The following MSI2 variants were observed in gnomAD, a reference collection of about 807,000 sequenced individuals.
MSI2 encodes musashi RNA binding protein 2.
A neutral mutation model predicts 45.6 loss-of-function variants in MSI2; 17 were observed. That is an observed-to-expected ratio of 0.37 (90% confidence interval 0.26 to 0.56). The LOEUF is 0.56. Among genes scored for constraint, MSI2 ranks in the 20% least tolerant of loss-of-function variants. The pLI, the probability that MSI2 is intolerant of heterozygous loss-of-function variation, is 0.77. For missense variants in MSI2, 293 were observed against 444.2 expected (o/e 0.66, Z 3.06); for synonymous variants, 156 against 158.2 (o/e 0.99, Z 0.11).
intron 7 of MSI2, among the ~76,000 whole-genome samples, chr17:57,559,860 G>A (rs1351706098): frequency 6.6e-6 from 1 of 152,258 alleles, no homozygotes; most frequent in Non-Finnish European, 1.5e-5. Flanking sequence ...GCTGCCCCGT[G>A]CCCCTGCAGA....
intron 6 of MSI2, chr17:57,448,504 G>C (rs1266097231): frequency 1.3e-5 from 2 of 152,226 alleles, no homozygotes; most frequent in Non-Finnish European, 2.9e-5. Context: ...ACCCCCATCA[G>C]AGCAACACAG....
Position 57,652,065 on chromosome 17 carries a change from C to T in MSI2, c.728-34C>T, listed in dbSNP as rs751350564. Reference sequence around the variant, plus strand: ...CTGTGCCTGGCCCTTTCAAGGATTCCTCCATGACTCAGGCTCCTCTCTCTC... The same window carrying T: ...CTGTGCCTGGCCCTTTCAAGGATTCTTCCATGACTCAGGCTCCTCTCTCTC... On this transcript the variant is annotated intron_variant, in intron 10 of 13. Transcript: ENST00000284073. The surrounding 1 kb of genome is among the most constrained non-coding windows in gnomAD (Gnocchi z 4.1). 1 of 1,609,834 alleles carries T rather than the reference C, an allele frequency of 6.2e-7. No individual in the cohort carries two copies. Among genetic ancestry groups the T allele is most frequent in the Non-Finnish European group, 8.5e-7 (1 of 1,176,172 alleles).
intron 8 of MSI2, among the ~76,000 whole-genome samples, chr17:57,597,697 G>C (rs17834681): frequency 0.11 from 16,436 of 152,198 alleles, 1,054 homozygotes; most frequent in Middle Eastern, 0.16. Flanking sequence ...CAGGCAGAAG[G>C]GCGGGATTTG....
chr17:57,517,247 G>A (rs1240847172), intron 6 of MSI2, among the ~76,000 whole-genome samples: 1 of 152,234 alleles, frequency 6.6e-6, no homozygotes, highest in African/African-American at 2.4e-5. Flanking sequence ...GGATTGGGGA[G>A]ATTGGCTGCC....
chr17:57,472,234 G>A lies in MSI2; in HGVS notation c.406-57442G>A, dbSNP rs987043774. ...AAGAAGGCTTCTAAAGTCAACTCAC[G>A]AACACTCAGAGTGAGAGCTGGTTCA... is the stretch of plus-strand genomic sequence containing the variant. On this transcript the variant is annotated intron_variant, in intron 6 of 13. Coordinates refer to ENST00000284073, the MANE Select transcript of MSI2 (RefSeq NM_138962.4). 3.9e-5 allele frequency among the ~76,000 whole-genome samples: 6 copies of A among 152,314 alleles called. No homozygotes were observed. The East Asian group carries it at 9.6e-4, about 24-fold the overall frequency.
chr17:57,617,218 T>G lies in MSI2; in HGVS notation c.652+1134T>G, dbSNP rs554644728. Among the ~76,000 whole-genome samples, 452 of 152,372 alleles carry G rather than the reference T, an allele frequency of 3.0e-3. 1 individual carries two copies. The highest frequency in any genetic ancestry group is 0.017 in the Middle Eastern group (5 of 294). On this transcript the variant is annotated intron_variant, in intron 9 of 13. Coordinates refer to ENST00000284073, the MANE Select transcript of MSI2 (RefSeq NM_138962.4). ...AGGAGAATATTAAAAATGGCCATGA[T>G]GTTAATTCTCCTCATATGAATTTTT...
chr17:57,631,932 A>G (rs1298314790), intron 10 of MSI2: 4 of 1,538,706 alleles, frequency 2.6e-6, no homozygotes, highest in Non-Finnish European at 3.5e-6. Context: ...ATGCTCACTG[A>G]AAGTCTGTCT....
At chr17:57,490,456 T>C (rs2085847891) in intron 6 of MSI2, among the ~76,000 whole-genome samples, 1 of 152,198 alleles carries the variant, frequency 6.6e-6, no homozygotes, top group Non-Finnish European at 1.5e-5. Flanking sequence ...TAATCGGAGT[T>C]TGGGGGCTAC....
chr17:57,285,827 A>G (rs562654618), intron 5 of MSI2: 102 of 1,420,522 alleles, frequency 7.2e-5, no homozygotes, highest in Non-Finnish European at 9.1e-5. Context: ...CAGTTAGCCA[A>G]GCCTCCTACC....
intron 8 of MSI2, among the ~76,000 whole-genome samples, chr17:57,598,310 G>C (rs1905469694): frequency 6.6e-6 from 1 of 152,322 alleles, no homozygotes; most frequent in South Asian, 2.1e-4. Flanking sequence ...ATATTGGTCT[G>C]ATATGTGTTC....
chr17:57,598,549 G>A (rs1289099574), intron 8 of MSI2, among the ~76,000 whole-genome samples: 4 of 152,198 alleles, frequency 2.6e-5, no homozygotes, highest in Non-Finnish European at 4.4e-5. Context: ...TAAAATGGTA[G>A]GAGGGAGATA....
chr17:57,393,666 A>G (rs2083836251), intron 5 of MSI2, among the ~76,000 whole-genome samples: 1 of 151,956 alleles, frequency 6.6e-6, no homozygotes, highest in African/African-American at 2.4e-5. Context: ...TGGTAACACT[A>G]TGTTTGTTTA....
At chr17:57,607,797 G>A (rs1413178150) in intron 8 of MSI2, among the ~76,000 whole-genome samples, 1 of 152,174 alleles carries the variant, frequency 6.6e-6, no homozygotes, top group Non-Finnish European at 1.5e-5. Context: ...TTTTACTCAC[G>A]GAGGAAGGCA....
At chr17:57,343,176 G>T (rs1915315971) in intron 5 of MSI2, among the ~76,000 whole-genome samples, 1 of 152,164 alleles carries the variant, frequency 6.6e-6, no homozygotes, top group African/African-American at 2.4e-5. Flanking sequence ...GTAGGGAAGG[G>T]TTAAGCCCTC....
intron 11 of MSI2, among the ~76,000 whole-genome samples, chr17:57,659,204 T>A (rs1026565161): frequency 2.0e-5 from 3 of 152,108 alleles, no homozygotes; most frequent in African/African-American, 7.2e-5. Context: ...GAAATGTAGG[T>A]TCATACTACC....
chr17:57,676,317 A>T lies in MSI2; in HGVS notation c.946-670A>T, dbSNP rs964145342. Among the ~76,000 whole-genome samples, 3 of 152,230 alleles carry T rather than the reference A, an allele frequency of 2.0e-5. No individual in the cohort carries two copies. The East Asian group carries it at 5.8e-4, about 29-fold the overall frequency. Reference sequence around the variant, plus strand: ...AGGCGCACACACGCCTGCCAGCCCTACTTGTGCAGGATGGGTCCTTGTTCA... The same window carrying T: ...AGGCGCACACACGCCTGCCAGCCCTTCTTGTGCAGGATGGGTCCTTGTTCA... On this transcript the variant is annotated intron_variant, in intron 12 of 13. Coordinates refer to ENST00000284073, the MANE Select transcript of MSI2 (RefSeq NM_138962.4).
chr17:57,283,934 C>T (rs923042194), intron 5 of MSI2, among the ~76,000 whole-genome samples: 1 of 152,144 alleles, frequency 6.6e-6, no homozygotes, highest in Non-Finnish European at 1.5e-5. Flanking sequence ...CCCGGAGACC[C>T]TTGGGTTAGG....
intron 6 of MSI2, among the ~76,000 whole-genome samples, chr17:57,504,493 TTTCCCTG>T (rs1256381598): frequency 1.3e-5 from 2 of 152,164 alleles, no homozygotes; most frequent in Non-Finnish European, 2.9e-5. Flanking sequence ...TGCTTGGATA[TTTCCCTG>T]TGGGCAGTCG....
chr17:57,684,662 T>A lies in MSI2; in HGVS notation c.*5145T>A, dbSNP rs909536451. On this transcript the variant is annotated 3_prime_UTR_variant, in exon 14 of 14. Coordinates refer to ENST00000284073, the MANE Select transcript of MSI2 (RefSeq NM_138962.4). ...TGTGTTTGTCTGACAAAAAAAAAAATAAAATAAAATAAACTGTTTTGAACA... is the reference window on the plus strand; with the variant it reads ...TGTGTTTGTCTGACAAAAAAAAAAAAAAAATAAAATAAACTGTTTTGAACA... The A allele has an allele frequency of 4.2e-4, 66 of 156,120 alleles. No homozygotes were observed. The highest frequency in any genetic ancestry group is 7.1e-4 in the Non-Finnish European group (50 of 70,568). 9.7% of individuals were successfully genotyped at this position (156,120 alleles called of 1,614,324 possible).
Sources: allele counts gnomAD v4.1 joint callset (sites outside exome capture counted in the v4.1 genomes callset), GRCh38; gene constraint gnomAD v4.1.1; non-coding constraint Gnocchi (gnomAD v3.1); transcripts MANE v1.5; gene names NCBI Gene and HGNC (gene_info 2026-07-23, HGNC 2026-07-21).